The following ACACA variants were observed in gnomAD, a reference collection of about 807,000 sequenced individuals.
ACACA encodes acetyl-CoA carboxylase 1.
ACACA carries 103 observed loss-of-function variants against 296.1 expected under a neutral mutation model. The observed-to-expected ratio is 0.35, with a 90% CI of 0.30 to 0.41. ACACA has a LOEUF of 0.41. ACACA is among the 10% of genes least tolerant of loss of function. The pLI, the probability that ACACA is intolerant of heterozygous loss-of-function variation, is 1.00. For missense variants in ACACA, 1,554 were observed against 2,989.7 expected (o/e 0.52, Z 11.20); for synonymous variants, 953 against 1,038.6 (o/e 0.92, Z 1.58).
At chr17:37,198,490 A>T (rs1398079316) in intron 35 of ACACA, among the ~76,000 whole-genome samples, 1 of 152,194 alleles carries the variant, frequency 6.6e-6, no homozygotes, top group Non-Finnish European at 1.5e-5. Context: ...TCTACCAGCC[A>T]CAGTGTTTAT....
intron 52 of ACACA, among the ~76,000 whole-genome samples, chr17:37,108,881 G>C (rs1294840305): frequency 6.6e-6 from 1 of 152,196 alleles, no homozygotes; most frequent in Admixed American, 6.5e-5. Flanking sequence ...AAGAATCCTT[G>C]TTTAATTTAG....
intron 1 of ACACA, among the ~76,000 whole-genome samples, chr17:37,355,496 C>T (rs1269452642): frequency 6.6e-6 from 1 of 151,030 alleles, no homozygotes; most frequent in Non-Finnish European, 1.5e-5. Context: ...GTGGAGGTCA[C>T]AGGGAGCCAA....
At chr17:37,159,170 C>T (rs1017018957) in intron 42 of ACACA, among the ~76,000 whole-genome samples, 5 of 151,418 alleles carry the variant, frequency 3.3e-5, no homozygotes, top group African/African-American at 1.2e-4. Flanking sequence ...AGAGCTAGAC[C>T]CTGTCTCTTA....
chr17:37,366,779 C>G (rs2049621575), intron 1 of ACACA, among the ~76,000 whole-genome samples: 1 of 139,428 alleles, frequency 7.2e-6, no homozygotes, highest in Non-Finnish European at 1.5e-5. Flanking sequence ...AATGTCACGT[C>G]TTTTTAAAAA....
intron 39 of ACACA, among the ~76,000 whole-genome samples, chr17:37,185,728 C>T (rs2077507396): frequency 6.6e-6 from 1 of 151,744 alleles, no homozygotes; most frequent in Non-Finnish European, 1.5e-5. Flanking sequence ...GCCACCACTC[C>T]CGGCTAATTT....
chr17:37,211,752 A>G (rs1216037997), intron 29 of ACACA, among the ~76,000 whole-genome samples: 1 of 152,226 alleles, frequency 6.6e-6, no homozygotes, highest in African/African-American at 2.4e-5. Context: ...CACTGCACAC[A>G]AACTGTATAC....
intron 1 of ACACA, chr17:37,389,209 C>A (rs2050680397): frequency 6.5e-7 from 1 of 1,548,352 alleles, no homozygotes; most frequent in South Asian, 1.2e-5. Flanking sequence ...TGCTTACCAG[C>A]CACTTCATAT....
intron 41 of ACACA, among the ~76,000 whole-genome samples, chr17:37,174,309 T>C (rs890960071): frequency 2.0e-5 from 3 of 151,044 alleles, no homozygotes; most frequent in African/African-American, 4.9e-5. Context: ...GCAGGAACAC[T>C]AGGTAAAGGC....
At chr17:37,151,496 T>C in intron 43 of ACACA, 75 bp from the exon 44 acceptor site, 1 of 1,577,892 alleles carries the variant, frequency 6.3e-7, no homozygotes. Flanking sequence ...TAATCACCAA[T>C]AAAAGGCGGC....
At chr17:37,162,621 C>A in intron 41 of ACACA, 2 of 273,872 alleles carry the variant, frequency 7.3e-6, no homozygotes, top group East Asian at 1.2e-4. Flanking sequence ...GTGCTATGAA[C>A]GCCTTGGGCA....
rs537220427 is a variant in ACACA, at chr17:37,229,675, C to T, written c.3247-3223G>A. ...TAAAAGCACTTTTTTTTAAAAACCA[C>T]TTTTTTATTTTATCTTTCCACTATG... On this transcript the variant is annotated intron_variant, in intron 25 of 55. Transcript: ENST00000616317. Among the ~76,000 whole-genome samples the T allele has an allele frequency of 3.9e-5, 6 of 152,158 alleles. No individual in the cohort carries two copies. The East Asian group carries it at 1.2e-3, about 29-fold the overall frequency.
intron 47 of ACACA, among the ~76,000 whole-genome samples, chr17:37,128,023 T>TAAAAA (rs2074890198): frequency 0.067 from 1,510 of 22,532 alleles, 198 homozygotes; most frequent in South Asian, 0.14. Flanking sequence ...AAACTCCATC[T>TAAAAA]CAAAAAAAAA....
At chr17:37,215,993 T>C (rs1465800090) in intron 29 of ACACA, among the ~76,000 whole-genome samples, 7 of 151,070 alleles carry the variant, frequency 4.6e-5, no homozygotes. Flanking sequence ...TCCTGCACCA[T>C]GAAAACAACT....
chr17:37,153,039 T>C (rs543301146), intron 43 of ACACA, among the ~76,000 whole-genome samples: 36 of 152,334 alleles, frequency 2.4e-4, no homozygotes, highest in African/African-American at 7.7e-4. Context: ...ATCCTAAAGT[T>C]ATGTCAGAAA....
rs35706744 is a variant in ACACA at position 37,366,471 on chromosome 17, C to CTT, written c.39-26623_39-26622dup. 1.1e-3 allele frequency among the ~76,000 whole-genome samples: 156 copies of CTT among 139,042 alleles called. 3 individuals are homozygous for CTT. The East Asian group carries it at 0.017, about 16-fold the overall frequency. The allele number at this position is 139,042 out of a possible 152,430, so 91.2% of individuals were successfully genotyped here. A position where few individuals can be genotyped will look rare whatever the true frequency, so the allele number is the denominator to read the frequency against. ...AGCAGAAGATTTCACAATGTCATGT[C>CTT]TTTTTTTTTTTTTTTGAGACGGAGT... is the stretch of plus-strand genomic sequence containing the variant. On this transcript the variant is annotated intron_variant, in intron 1 of 55. Coordinates refer to ENST00000616317, the MANE Select transcript of ACACA (RefSeq NM_198834.3).
At position 37,138,260 on chromosome 17, in the gene ACACA, G is replaced by T. The variant is rs1026375887; in HGVS notation, c.5680-8042C>A. Among the ~76,000 whole-genome samples, 30 of 152,180 alleles carry T rather than the reference G, an allele frequency of 2.0e-4. 1 individual carries two copies. The highest frequency in any genetic ancestry group is 4.4e-5 in the Non-Finnish European group (3 of 68,028). ...AGCTAGATTTGGATCCATGCACAGG[G>T]AACATTCCCTAGAATGATGAACAGC... On this transcript the variant is annotated intron_variant, in intron 45 of 55. Transcript: ENST00000616317.
At chr17:37,270,688 G>A in intron 10 of ACACA, 63 bp downstream of exon 10, 3 of 1,258,176 alleles carry the variant, frequency 2.4e-6, no homozygotes, top group Non-Finnish European at 2.3e-6. Flanking sequence ...TATAGTATGA[G>A]TTAAATCATA....
At chr17:37,094,915 G>T (rs76380691) in intron 54 of ACACA, among the ~76,000 whole-genome samples, 2 of 152,368 alleles carry the variant, frequency 1.3e-5, no homozygotes, top group Non-Finnish European at 2.9e-5. Flanking sequence ...ACTGAGCTAC[G>T]GGGTGGGGGT....
chr17:37,249,378 G>C (rs1314474598), intron 16 of ACACA, among the ~76,000 whole-genome samples: 1 of 152,114 alleles, frequency 6.6e-6, no homozygotes, highest in Non-Finnish European at 1.5e-5. Context: ...CCCAGAAGTG[G>C]TATTACCAGA....
Sources: gnomAD v4.1 joint callset for allele counts (sites outside exome capture counted in the v4.1 genomes callset) on GRCh38, gnomAD v4.1.1 for gene constraint, MANE v1.5 for transcripts, NCBI Gene and HGNC (gene_info 2026-07-23, HGNC 2026-07-21) for gene names.